The following ASB15 variants were observed in gnomAD, a reference collection of about 807,000 sequenced individuals.
The protein encoded by ASB15 is ankyrin repeat and SOCS box protein 15.
A neutral mutation model predicts 58.0 loss-of-function variants in ASB15; 54 were observed. The ratio of observed to expected loss-of-function variants is 0.93; its 90% CI spans 0.75 to 1.17. ASB15 has a LOEUF of 1.17. ASB15 is among the 50% of genes most tolerant of loss of function. The pLI is 0.00. For missense variants in ASB15, 680 were observed against 707.4 expected (o/e 0.96, Z 0.44); for synonymous variants, 249 against 262.4 (o/e 0.95, Z 0.50).
At position 123,616,246 on chromosome 7, in the gene ASB15, A is replaced by G; in HGVS notation, c.133A>G (p.Arg45Gly). ...ERFVPLSAQN[R>G]KLVEAIKQGH... Reference sequence around the variant, plus strand: ...ATTTGTACCCCTAAGTGCTCAAAACAGAAAACTTGTGGAGGCCATAAAACA... The same window carrying G: ...ATTTGTACCCCTAAGTGCTCAAAACGGAAAACTTGTGGAGGCCATAAAACA... Residue 45 changes from arginine (R) to glycine (G), a missense_variant, in exon 5 of 12, where the codon AGA (arginine) becomes GGA (glycine). Physicochemically the swap from Arg to Gly is moderately radical, Grantham distance 125 (BLOSUM62 -2). Coordinates refer to ENST00000451215, the MANE Select transcript of ASB15 (RefSeq NM_001290258.2). 6.2e-7 allele frequency: 1 copy of G among 1,607,302 alleles called. No individual in the cohort carries two copies. Among genetic ancestry groups the G allele is most frequent in the Non-Finnish European group, 8.5e-7 (1 of 1,173,896 alleles).
intron 2 of ASB15, among the ~76,000 whole-genome samples, chr7:123,607,477 C>A (rs1800206165): frequency 6.6e-6 from 1 of 152,036 alleles, no homozygotes; most frequent in African/African-American, 2.4e-5. Flanking sequence ...CTGATTATTT[C>A]TTTTATTTAT....
At chr7:123,604,619 G>A (rs1048864406) in intron 2 of ASB15, among the ~76,000 whole-genome samples, 1 of 151,886 alleles carries the variant, frequency 6.6e-6, no homozygotes, top group Non-Finnish European at 1.5e-5. Context: ...GAAGCACCGT[G>A]TGAGGAGATA....
intron 2 of ASB15, among the ~76,000 whole-genome samples, chr7:123,605,580 C>T (rs1800107863): frequency 6.6e-6 from 1 of 152,130 alleles, no homozygotes; most frequent in Non-Finnish European, 1.5e-5. Flanking sequence ...ACAGCAAAAA[C>T]ATGGAATCAA....
At chr7:123,633,751 G>A (rs1286564686) in intron 11 of ASB15, among the ~76,000 whole-genome samples, 1 of 152,124 alleles carries the variant, frequency 6.6e-6, no homozygotes, top group Non-Finnish European at 1.5e-5. Context: ...CCTAACAAAA[G>A]AAACCAGGGT....
chr7:123,632,690 A>G (rs1802184864), intron 11 of ASB15, among the ~76,000 whole-genome samples: 1 of 152,216 alleles, frequency 6.6e-6, no homozygotes, highest in African/African-American at 2.4e-5. Context: ...AGCTAAAAAC[A>G]TTGATGACAG....
In ASB15 at chr7:123,569,478, T is replaced by G. The variant is rs558502892; in HGVS notation, c.-443+2390T>G. ...TGGTGGTGTGTGATCCTATGTGGCC[T>G]TAAAATGCTATTGCATGCATTTTTA... is the stretch of plus-strand genomic sequence containing the variant. On this transcript the variant is annotated intron_variant, in intron 1 of 13. Transcript: ENST00000451558. 5.5e-4 allele frequency among the ~76,000 whole-genome samples: 84 copies of G among 152,318 alleles called. 1 individual carries two copies. Among genetic ancestry groups the G allele is most frequent in the African/African-American group, 2.0e-3 (83 of 41,562 alleles).
chr7:123,592,996 G>A (rs1302476284), intron 1 of ASB15, among the ~76,000 whole-genome samples: 2 of 152,174 alleles, frequency 1.3e-5, no homozygotes, highest in South Asian at 4.2e-4. Context: ...AGTTCTTCCT[G>A]TTGAATTGAT....
chr7:123,600,881 G>C (rs1038212368), upstream of ASB15, among the ~76,000 whole-genome samples: 1 of 152,186 alleles, frequency 6.6e-6, no homozygotes, highest in Non-Finnish European at 1.5e-5. Flanking sequence ...ACAAAAGCGT[G>C]TAGTGCTCCC....
chr7:123,606,888 C>T (rs558205957), intron 2 of ASB15, among the ~76,000 whole-genome samples: 68 of 152,172 alleles, frequency 4.5e-4, no homozygotes, highest in African/African-American at 1.6e-3. Context: ...TCTTGGCTGC[C>T]GTAAATACTG....
At chr7:123,620,536 ATATATATATATATATATATTTTTTTTTT>A (rs1562933317) in intron 7 of ASB15, among the ~76,000 whole-genome samples, 8 of 17,094 alleles carry the variant, frequency 4.7e-4, no homozygotes, top group Non-Finnish European at 6.9e-4. Flanking sequence ...ATATATATAT[ATATATATATATATATATATTTTTTTTTT>A]TTTTTTTTTT....
At position 123,592,404 on chromosome 7, in the gene ASB15, T is replaced by C. The variant is rs188917963; in HGVS notation, c.-442-11628T>C. On this transcript the variant is annotated intron_variant, in intron 1 of 13. Transcript: ENST00000451558. ...GGTGATTATTTTAGATCTTTCCTGC[T>C]TTCTCTTGTGGGCATTTAGTGCTAT... Among the ~76,000 whole-genome samples the C allele has an allele frequency of 5.9e-5, 9 of 152,356 alleles. No individual in the cohort carries two copies. The East Asian group carries it at 1.7e-3, about 29-fold the overall frequency.
intron 2 of ASB15, among the ~76,000 whole-genome samples, chr7:123,604,823 A>G (rs1404814140): frequency 6.6e-6 from 1 of 152,150 alleles, no homozygotes; most frequent in Non-Finnish European, 1.5e-5. Context: ...ATAGAACTAA[A>G]ACTTTCAAAA....
intron 3 of ASB15, chr7:123,614,186 A>G (rs2116501900): frequency 3.9e-6 from 1 of 257,764 alleles, no homozygotes; most frequent in South Asian, 5.9e-5. Flanking sequence ...ATTGGCATCA[A>G]TCAGAAGCTC....
intron 1 of ASB15, among the ~76,000 whole-genome samples, chr7:123,569,571 G>A (rs1313715872): frequency 6.6e-6 from 1 of 152,212 alleles, no homozygotes; most frequent in African/African-American, 2.4e-5. Context: ...GAGAGTCAGT[G>A]CATCTGCTGT....
At chr7:123,622,931 G>A (rs571896743) in intron 7 of ASB15, 4 of 152,190 alleles carry the variant, frequency 2.6e-5, no homozygotes, top group South Asian at 4.1e-4. Context: ...GGCAAAGTTC[G>A]TCTTCATCCT....
intron 1 of ASB15, among the ~76,000 whole-genome samples, chr7:123,592,129 G>A (rs1199091187): frequency 1.3e-5 from 2 of 152,176 alleles, no homozygotes; most frequent in Non-Finnish European, 2.9e-5. Flanking sequence ...TATTTCTGTG[G>A]GATCAGTGGT....
intron 1 of ASB15, among the ~76,000 whole-genome samples, chr7:123,582,975 A>G (rs1377952287): frequency 1.3e-5 from 2 of 152,090 alleles, no homozygotes; most frequent in East Asian, 1.9e-4. Flanking sequence ...TTAATCTACT[A>G]GCCTCTATTT....
intron 1 of ASB15, among the ~76,000 whole-genome samples, chr7:123,567,384 G>A (rs967814267): frequency 6.6e-6 from 1 of 152,162 alleles, no homozygotes; most frequent in African/African-American, 2.4e-5. Context: ...GCCAGATCCA[G>A]GTGACTTAGA....
intron 1 of ASB15, among the ~76,000 whole-genome samples, chr7:123,592,081 TTC>T (rs1799555101): frequency 6.6e-6 from 1 of 152,200 alleles, no homozygotes; most frequent in African/African-American, 2.4e-5. Context: ...TTTAGTTTAT[TTC>T]TGTAGAGGTG....
Sources: gnomAD v4.1 joint callset for allele counts (sites outside exome capture counted in the v4.1 genomes callset) on GRCh38, gnomAD v4.1.1 for gene constraint, MANE v1.5 for transcripts, NCBI Gene and HGNC (gene_info 2026-07-23, HGNC 2026-07-21) for gene names.